ACTN1: variants seen among roughly 807,000 people sequenced by gnomAD.
The protein encoded by ACTN1 is actinin alpha 1.
A neutral mutation model predicts 119.6 loss-of-function variants in ACTN1; 30 were observed. That is an observed-to-expected ratio of 0.25 (90% CI 0.19 to 0.34). The LOEUF (loss-of-function observed/expected upper bound fraction) is 0.34. Ranked by LOEUF, ACTN1 falls within the 10% of genes least tolerant of loss-of-function variation. The probability of loss-of-function intolerance (pLI) is 1.00; values close to 1 mark genes in which losing one functional copy is unlikely to be tolerated. For missense variants in ACTN1, 764 were observed against 1,223.4 expected (o/e 0.62, Z 5.60); for synonymous variants, 429 against 472.6 (o/e 0.91, Z 1.20).
intron 3 of ACTN1, among the ~76,000 whole-genome samples, chr14:68,915,747 G>A (rs1463360876): frequency 6.6e-6 from 1 of 152,202 alleles, no homozygotes; most frequent in African/African-American, 2.4e-5. Context: ...CAGACGCAGT[G>A]GCTCACACCT....
chr14:68,923,276 A>G (rs545849569), intron 2 of ACTN1, among the ~76,000 whole-genome samples: 2 of 152,200 alleles, frequency 1.3e-5, no homozygotes, highest in East Asian at 1.9e-4. Context: ...AAATGACTAC[A>G]CTTTGTGATA....
At chr14:68,944,517 T>A (rs1245539902) in intron 1 of ACTN1, among the ~76,000 whole-genome samples, 1 of 152,218 alleles carries the variant, frequency 6.6e-6, no homozygotes, top group African/African-American at 2.4e-5. Flanking sequence ...CTGTCCTAAG[T>A]CATGGAGCCT....
intron 1 of ACTN1, among the ~76,000 whole-genome samples, chr14:68,933,481 T>A: frequency 6.6e-6 from 1 of 152,142 alleles, no homozygotes; most frequent in Middle Eastern, 3.2e-3. Flanking sequence ...GTGGCCCTCT[T>A]GGGCTATCCT....
chr14:68,914,306 C>T (rs2034170404), intron 3 of ACTN1, among the ~76,000 whole-genome samples: 1 of 152,102 alleles, frequency 6.6e-6, no homozygotes, highest in Admixed American at 6.5e-5. Flanking sequence ...AAGAGTTCAT[C>T]TCAATTGAAA....
chr14:68,973,593 T>C (rs1380674099), intron 1 of ACTN1, among the ~76,000 whole-genome samples: 1 of 152,128 alleles, frequency 6.6e-6, no homozygotes, highest in Admixed American at 6.5e-5. Flanking sequence ...ATTAGAAGCA[T>C]GAGAATGGAC....
At chr14:68,888,091 G>A (rs369867597) in intron 11 of ACTN1, 10 of 674,146 alleles carry the variant, frequency 1.5e-5, no homozygotes, top group Admixed American at 8.2e-5. Context: ...GCATCCTGGC[G>A]GCAGGGAGGG....
intron 7 of ACTN1, 116 bp from the exon 8 acceptor site, chr14:68,902,678 C>T: frequency 1.3e-6 from 1 of 792,080 alleles, no homozygotes; most frequent in African/African-American, 1.8e-5. Flanking sequence ...AATGTGGAGC[C>T]CGAATCTAAC....
intron 8 of ACTN1, among the ~76,000 whole-genome samples, chr14:68,900,213 G>T (rs889695277): frequency 4.6e-5 from 7 of 152,122 alleles, no homozygotes; most frequent in Non-Finnish European, 2.9e-5. Context: ...TTCCCCAAGG[G>T]CACTTCTACT....
At chr14:68,944,277 C>T (rs1194658026) in intron 1 of ACTN1, among the ~76,000 whole-genome samples, 1 of 152,206 alleles carries the variant, frequency 6.6e-6, no homozygotes, top group African/African-American at 2.4e-5. Flanking sequence ...GCCACCAAGC[C>T]GATGATGTGT....
At chr14:68,895,275 C>A (rs530129765) in intron 8 of ACTN1, among the ~76,000 whole-genome samples, 2 of 152,290 alleles carry the variant, frequency 1.3e-5, no homozygotes, top group South Asian at 4.1e-4. Flanking sequence ...GACCCCAACT[C>A]AACCCTGTCC....
chr14:68,921,185 T>C (rs2034625287), intron 2 of ACTN1, 60 bp from the exon 3 acceptor site: 3 of 1,595,118 alleles, frequency 1.9e-6, no homozygotes, highest in Admixed American at 3.4e-5. Context: ...GGGCCAGAGC[T>C]ACTACCACTA....
rs905634609 is a variant in ACTN1 at position 68,884,300 on chromosome 14, C to T, written c.1503G>A (p.Glu501=). ...GCTGGTCAATGGTCTCCAGCAGTTT[C>T]TCGGTCCGCTGGGAGTGCCAAATAG... ...QKRREALERT[E]KLLETIDQLY... Residue 501 remains glutamate, a synonymous_variant, in exon 14 of 22, where the codon GAG becomes GAA. Coordinates refer to ENST00000394419, the MANE Select transcript of ACTN1 (RefSeq NM_001130004.2). 5 of 1,613,900 alleles carry T rather than the reference C, an allele frequency of 3.1e-6. No homozygotes were observed. In the South Asian group the frequency reaches 3.3e-5, roughly 11 times the overall value.
chr14:68,976,861 C>A (rs1279250337), intron 1 of ACTN1, among the ~76,000 whole-genome samples: 7 of 152,242 alleles, frequency 4.6e-5, no homozygotes, highest in Non-Finnish European at 1.0e-4. Flanking sequence ...CCAGGATAAC[C>A]CAGTTTCCCA....
chr14:68,921,536 CAAAG>C (rs1390938545), intron 2 of ACTN1, among the ~76,000 whole-genome samples: 1 of 151,958 alleles, frequency 6.6e-6, no homozygotes, highest in Non-Finnish European at 1.5e-5. Flanking sequence ...TGAACAAATA[CAAAG>C]AAAGATCCAT....
rs370232977 is a variant in ACTN1 at position 68,907,672 on chromosome 14, G to A, written c.594+1646C>T. On this transcript the variant is annotated intron_variant, in intron 6 of 21. Coordinates refer to ENST00000394419, the MANE Select transcript of ACTN1 (RefSeq NM_001130004.2). ...ATAAAAAGACAGAGAGGGATAGTGC[G>A]TGGGAGAGTGCTAACTGGGTATCAG... Among the ~76,000 whole-genome samples, 3 of 152,212 alleles carry A rather than the reference G, an allele frequency of 2.0e-5. No homozygotes were observed. The South Asian group carries it at 6.2e-4, about 32-fold the overall frequency.
At chr14:68,930,434 T>A (rs1193667440) in intron 1 of ACTN1, among the ~76,000 whole-genome samples, 1 of 152,162 alleles carries the variant, frequency 6.6e-6, no homozygotes, top group African/African-American at 2.4e-5. Context: ...ATAATCACAC[T>A]CTGCAAGGAG....
At chr14:68,932,609 C>T (rs1213060323) in intron 1 of ACTN1, among the ~76,000 whole-genome samples, 1 of 147,080 alleles carries the variant, frequency 6.8e-6, no homozygotes, top group African/African-American at 2.5e-5. Flanking sequence ...TCAAGTGATC[C>T]TCCCACCTCA....
chr14:68,908,706 G>A (rs1479096538), intron 6 of ACTN1, among the ~76,000 whole-genome samples: 4 of 152,228 alleles, frequency 2.6e-5, no homozygotes, highest in East Asian at 1.9e-4. Context: ...GGGCAGTGTC[G>A]TCCAACCAGC....
chr14:68,910,678 G>A (rs1024840797), intron 4 of ACTN1, among the ~76,000 whole-genome samples: 3 of 152,108 alleles, frequency 2.0e-5, no homozygotes, highest in African/African-American at 7.2e-5. Flanking sequence ...TTTGTGCTGT[G>A]TCCCCGCCCA....
Sources: gnomAD v4.1 joint callset for allele counts (sites outside exome capture counted in the v4.1 genomes callset) on GRCh38, gnomAD v4.1.1 for gene constraint, MANE v1.5 for transcripts, NCBI Gene and HGNC (gene_info 2026-07-23, HGNC 2026-07-21) for gene names.